ATF7IP: variants seen among roughly 807,000 people sequenced by gnomAD.
The protein encoded by ATF7IP is activating transcription factor 7 interacting protein.
A neutral mutation model predicts 106.4 loss-of-function variants in ATF7IP; 23 were observed. That is an observed-to-expected ratio of 0.22 (90% CI 0.16 to 0.31). The LOEUF (loss-of-function observed/expected upper bound fraction) is 0.31, where lower values mean the gene tolerates loss of function less well. Ranked by LOEUF, ATF7IP falls within the 10% of genes least tolerant of loss-of-function variation. ATF7IP has a pLI of 1.00. For synonymous variants in ATF7IP, 542 were observed against 539.0 expected (o/e 1.01, Z -0.08); for missense variants, 1,334 against 1,524.3 (o/e 0.88, Z 2.08).
At chr12:14,429,908 T>G (rs915442644) in intron 2 of ATF7IP, among the ~76,000 whole-genome samples, 1 of 152,194 alleles carries the variant, frequency 6.6e-6, no homozygotes, top group Non-Finnish European at 1.5e-5. Flanking sequence ...GGAAGATCAT[T>G]TTTCAAATGA....
At chr12:14,417,911 T>G (rs1452939984) in intron 1 of ATF7IP, among the ~76,000 whole-genome samples, 1 of 152,160 alleles carries the variant, frequency 6.6e-6, no homozygotes, top group Non-Finnish European at 1.5e-5. Flanking sequence ...TTGGCTGAGT[T>G]TGTGAGCAGC....
Position 14,425,076 on chromosome 12 carries a change from T to C in ATF7IP, c.1161T>C (p.Ser387=). Residue 387 remains serine (S), a synonymous_variant, in exon 2 of 15, where the codon TCT becomes TCC. Coordinates refer to ENST00000261168, the MANE Select transcript of ATF7IP (RefSeq NM_018179.5). The part of the protein sequence containing the change: ...TELALGEDAI[S]SSMEIDQGEK... ...TTGCTCTTGGAGAAGATGCTATATC[T>C]AGCAGTATGGAAATTGACCAAGGTG... 1.3e-6 allele frequency: 2 copies of C among 1,595,588 alleles called. No individual in the cohort carries two copies. The highest frequency in any genetic ancestry group is 1.7e-6 in the Non-Finnish European group (2 of 1,175,220).
intron 1 of ATF7IP, chr12:14,385,540 T>G (rs1939187927): frequency 5.8e-6 from 4 of 694,528 alleles, no homozygotes; most frequent in Admixed American, 2.8e-5. Context: ...CCTTTAAGCC[T>G]TTATTATGGA....
chr12:14,409,657 AAG>A (rs1347201956), intron 1 of ATF7IP, among the ~76,000 whole-genome samples: 1 of 152,112 alleles, frequency 6.6e-6, no homozygotes, highest in Non-Finnish European at 1.5e-5. Context: ...GACAGGGAAA[AAG>A]AGTAATGAGC....
At chr12:14,450,155 A>C (rs187552953) in intron 6 of ATF7IP, among the ~76,000 whole-genome samples, 1 of 134,632 alleles carries the variant, frequency 7.4e-6, no homozygotes, top group African/African-American at 2.4e-5. Context: ...GATGTCATTT[A>C]TTTCTTTTTC....
At chr12:14,431,550 A>G (rs563173324) in intron 2 of ATF7IP, among the ~76,000 whole-genome samples, 2 of 152,112 alleles carry the variant, frequency 1.3e-5, no homozygotes, top group East Asian at 3.9e-4. Flanking sequence ...ATGTACCACT[A>G]CATACAGCTA....
intron 11 of ATF7IP, 115 bp from the exon 12 acceptor site, chr12:14,478,202 A>C: frequency 3.3e-6 from 3 of 902,510 alleles, no homozygotes; most frequent in Non-Finnish European, 3.5e-6. Flanking sequence ...TTATTCTCTT[A>C]GAGGTAAATG....
At chr12:14,474,486 C>T (rs1451413859) in intron 10 of ATF7IP, among the ~76,000 whole-genome samples, 6 of 151,470 alleles carry the variant, frequency 4.0e-5, no homozygotes, top group Non-Finnish European at 5.9e-5. Context: ...CTGCAACGTC[C>T]GCCTCCCAGG....
intron 13 of ATF7IP, among the ~76,000 whole-genome samples, chr12:14,483,354 G>C (rs1390988399): frequency 6.6e-6 from 1 of 152,136 alleles, no homozygotes; most frequent in African/African-American, 2.4e-5. Flanking sequence ...CTCCGTTGTG[G>C]AGCAGTAGAC....
intron 1 of ATF7IP, among the ~76,000 whole-genome samples, chr12:14,421,394 A>G (rs1241039633): frequency 2.6e-5 from 4 of 152,160 alleles, no homozygotes; most frequent in Non-Finnish European, 5.9e-5. Context: ...TGGAGGCAAC[A>G]CATTTGAAAT....
At chr12:14,381,867 G>GTT (rs55929147) in intron 1 of ATF7IP, among the ~76,000 whole-genome samples, 3,247 of 148,116 alleles carry the variant, frequency 0.022, 48 homozygotes, top group Non-Finnish European at 0.029. Context: ...ATTAATTCTA[G>GTT]TTTTTTTTTT....
intron 1 of ATF7IP, chr12:14,416,772 G>A (rs1941226238): frequency 3.9e-6 from 1 of 256,210 alleles, no homozygotes; most frequent in Non-Finnish European, 6.1e-6. Context: ...CCTTGTTGCT[G>A]GGCAAGGTTT....
chr12:14,377,645 G>A (rs577146412), intron 1 of ATF7IP, among the ~76,000 whole-genome samples: 2 of 150,704 alleles, frequency 1.3e-5, no homozygotes, highest in Admixed American at 6.6e-5. Flanking sequence ...ACAGAGTCTC[G>A]CTCTGTCACC....
At chr12:14,412,041 T>C (rs939886500) in intron 1 of ATF7IP, among the ~76,000 whole-genome samples, 7 of 152,228 alleles carry the variant, frequency 4.6e-5, no homozygotes, top group Admixed American at 4.6e-4. Context: ...TTCAAAATAC[T>C]ATTCTTTCCC....
chr12:14,444,079 A>G (rs1484437743), intron 5 of ATF7IP, among the ~76,000 whole-genome samples: 1 of 152,200 alleles, frequency 6.6e-6, no homozygotes, highest in Non-Finnish European at 1.5e-5. Flanking sequence ...TATAGTTCAA[A>G]TTCATAATAC....
chr12:14,404,687 C>G (rs890597635), intron 1 of ATF7IP, among the ~76,000 whole-genome samples: 9 of 152,038 alleles, frequency 5.9e-5, no homozygotes, highest in African/African-American at 1.9e-4. Context: ...CATATTTCAT[C>G]AGTTTACACA....
chr12:14,481,416 A>C, intron 13 of ATF7IP: 1 of 565,604 alleles, frequency 1.8e-6, no homozygotes, highest in Non-Finnish European at 3.1e-6. Context: ...AAGTATTGTC[A>C]CCACACACAA....
At chr12:14,423,097 G>A (rs1236527729) in intron 1 of ATF7IP, among the ~76,000 whole-genome samples, 1 of 152,088 alleles carries the variant, frequency 6.6e-6, no homozygotes, top group Non-Finnish European at 1.5e-5. Flanking sequence ...TGTGTGCAGT[G>A]TTATTTCATT....
At chr12:14,422,789 C>A (rs1941604445) in intron 1 of ATF7IP, among the ~76,000 whole-genome samples, 1 of 152,124 alleles carries the variant, frequency 6.6e-6, no homozygotes, top group African/African-American at 2.4e-5. Context: ...TTTATTTATC[C>A]ATTCATCAGT....
Sources: allele counts gnomAD v4.1 joint callset (sites outside exome capture counted in the v4.1 genomes callset), GRCh38; gene constraint gnomAD v4.1.1; transcripts MANE v1.5; gene names NCBI Gene and HGNC (gene_info 2026-07-23, HGNC 2026-07-21).